FANCC: variants seen among roughly 807,000 people sequenced by gnomAD.
The protein encoded by FANCC is FA complementation group C.
Under a neutral mutation model 71.3 loss-of-function variants are expected in FANCC, and 55 were observed. The ratio of observed to expected loss-of-function variants is 0.77; its 90% CI spans 0.62 to 0.97. FANCC has a LOEUF of 0.97. FANCC is among the 50% of genes least tolerant of loss of function. The pLI is 0.00. For missense variants in FANCC, 678 were observed against 670.9 expected, an observed-to-expected ratio of 1.01 and a Z score of -0.12; for synonymous variants, 275 against 244.9, an observed-to-expected ratio of 1.12 and a Z score of -1.15.
intron 7 of FANCC, among the ~76,000 whole-genome samples, chr9:95,143,069 C>T (rs953744959): frequency 1.3e-5 from 2 of 152,194 alleles, no homozygotes; most frequent in Non-Finnish European, 2.9e-5. Context: ...TCAGAGGTTC[C>T]AATGATCCTC....
At chr9:95,114,309 G>A (rs528210924) in intron 12 of FANCC, 1 of 380,644 alleles carries the variant, frequency 2.6e-6, no homozygotes, top group East Asian at 6.3e-5. Flanking sequence ...CAGCAGGTGG[G>A]TGCTGCTTTT....
intron 4 of FANCC, among the ~76,000 whole-genome samples, chr9:95,196,253 T>C (rs1176411253): frequency 2.6e-5 from 4 of 152,306 alleles, no homozygotes; most frequent in South Asian, 2.1e-4. Flanking sequence ...GTGCCCTTTA[T>C]GAAGTTGAGG....
chr9:95,191,142 T>C (rs926180766), intron 4 of FANCC, among the ~76,000 whole-genome samples: 1 of 152,254 alleles, frequency 6.6e-6, no homozygotes, highest in Middle Eastern at 3.4e-3. Context: ...GCCATTTCTA[T>C]GCTGGGGTCT....
intron 1 of FANCC, among the ~76,000 whole-genome samples, chr9:95,278,392 T>C (rs1588406090): frequency 6.6e-6 from 1 of 152,354 alleles, no homozygotes; most frequent in African/African-American, 2.4e-5. Flanking sequence ...TACTGATATG[T>C]GATACCATAA....
At chr9:95,130,861 T>C (rs1010177179) in intron 8 of FANCC, among the ~76,000 whole-genome samples, 3 of 152,234 alleles carry the variant, frequency 2.0e-5, no homozygotes, top group Non-Finnish European at 4.4e-5. Context: ...GAAAAACCTA[T>C]TTATACAAAA....
intron 14 of FANCC, 49 bp downstream of exon 14, chr9:95,107,017 G>A (rs772603180): frequency 4.0e-5 from 63 of 1,592,528 alleles, no homozygotes; most frequent in African/African-American, 8.1e-5. Context: ...CCCACCTCTC[G>A]CCTGGAGCAG....
intron 7 of FANCC, among the ~76,000 whole-genome samples, chr9:95,147,120 A>T (rs921345591): frequency 1.3e-5 from 2 of 151,992 alleles, no homozygotes; most frequent in Non-Finnish European, 2.9e-5. Context: ...TTTGAAAAGT[A>T]ACATTTATTT....
intron 4 of FANCC, among the ~76,000 whole-genome samples, chr9:95,214,630 A>G (rs976834038): frequency 6.6e-6 from 1 of 152,210 alleles, no homozygotes; most frequent in Admixed American, 6.5e-5. Context: ...CGAATGGATA[A>G]GCAAAATGCA....
chr9:95,308,751 G>A (rs956757178), intron 1 of FANCC, among the ~76,000 whole-genome samples: 1 of 152,198 alleles, frequency 6.6e-6, no homozygotes, highest in Non-Finnish European at 1.5e-5. Context: ...CAGCACACAC[G>A]TGTAGAACTA....
chr9:95,163,717 C>T (rs148751065), intron 6 of FANCC, among the ~76,000 whole-genome samples: 8 of 152,246 alleles, frequency 5.3e-5, no homozygotes, highest in Non-Finnish European at 8.8e-5. Flanking sequence ...GGCATGGTGG[C>T]GTGCACCTGT....
intron 4 of FANCC, among the ~76,000 whole-genome samples, chr9:95,186,302 T>C (rs1372009224): frequency 6.6e-6 from 1 of 152,254 alleles, no homozygotes; most frequent in Non-Finnish European, 1.5e-5. Context: ...ATTGGCATTT[T>C]GGGCCTGACA....
At chr9:95,255,012 C>T (rs1260171668) in intron 1 of FANCC, among the ~76,000 whole-genome samples, 2 of 152,146 alleles carry the variant, frequency 1.3e-5, no homozygotes, top group Admixed American at 6.5e-5. Context: ...CTAGATTCCT[C>T]CTTTCTGGGC....
chr9:95,192,681 G>A (rs1045099399), intron 4 of FANCC, among the ~76,000 whole-genome samples: 2 of 152,146 alleles, frequency 1.3e-5, no homozygotes, highest in Non-Finnish European at 2.9e-5. Context: ...AACAGAAAAA[G>A]ATTACAGAAA....
intron 1 of FANCC, among the ~76,000 whole-genome samples, chr9:95,254,957 G>A (rs539406137): frequency 9.9e-5 from 15 of 152,242 alleles, no homozygotes; most frequent in South Asian, 2.1e-4. Context: ...AAACAAAGCC[G>A]CAGGGATGTT....
chr9:95,124,266 G>A (rs146438429), intron 10 of FANCC, among the ~76,000 whole-genome samples: 4 of 152,270 alleles, frequency 2.6e-5, no homozygotes, highest in Admixed American at 6.5e-5. Flanking sequence ...ATACTCTACA[G>A]ATGAGATGCA....
At chr9:95,299,022 G>A (rs1452120912) in intron 1 of FANCC, among the ~76,000 whole-genome samples, 1 of 152,136 alleles carries the variant, frequency 6.6e-6, no homozygotes, top group Non-Finnish European at 1.5e-5. Flanking sequence ...ATCCTAAATT[G>A]CAGTCATGTT....
intron 4 of FANCC, among the ~76,000 whole-genome samples, chr9:95,193,229 A>G (rs1424597733): frequency 6.6e-6 from 1 of 152,220 alleles, no homozygotes; most frequent in African/African-American, 2.4e-5. Context: ...AGGGGGCGCT[A>G]CTCCAAAGAC....
At chr9:95,265,571 C>T (rs1832336770) in intron 1 of FANCC, among the ~76,000 whole-genome samples, 3 of 152,144 alleles carry the variant, frequency 2.0e-5, no homozygotes, top group South Asian at 2.1e-4. Context: ...CCTTTCCTTG[C>T]GTTTCTTGTC....
chr9:95,228,514 T>A (rs1260293401), intron 4 of FANCC, among the ~76,000 whole-genome samples: 1 of 152,202 alleles, frequency 6.6e-6, no homozygotes, highest in Non-Finnish European at 1.5e-5. Flanking sequence ...CAGCAAATAA[T>A]CACTGAACGC....
Sources: allele counts gnomAD v4.1 joint callset (sites outside exome capture counted in the v4.1 genomes callset), GRCh38; gene constraint gnomAD v4.1.1; transcripts MANE v1.5; gene names NCBI Gene and HGNC (gene_info 2026-07-23, HGNC 2026-07-21).